Variants in SPIRE1 observed in about 807,000 individuals in gnomAD.
SPIRE1 encodes the protein spire type actin nucleation factor 1.
SPIRE1 carries 40 observed loss-of-function variants against 94.1 expected under a neutral mutation model. The observed-to-expected ratio is 0.43, with a 90% CI of 0.33 to 0.55. The LOEUF (loss-of-function observed/expected upper bound fraction) is 0.55, where lower values mean the gene tolerates loss of function less well. Among genes scored for constraint, SPIRE1 ranks in the 20% least tolerant of loss-of-function variants. The pLI is 0.06. For missense variants in SPIRE1, 838 were observed against 975.2 expected (o/e 0.86, Z 1.87); for synonymous variants, 376 against 371.7 (o/e 1.01, Z -0.13).
intron 10 of SPIRE1, among the ~76,000 whole-genome samples, chr18:12,465,955 G>C (rs185699648): frequency 1.3e-5 from 2 of 151,820 alleles, no homozygotes; most frequent in African/African-American, 4.8e-5. Context: ...GTGGTGGCAC[G>C]CGCCTGTAGT....
chr18:12,560,693 A>G (rs1166343568), intron 2 of SPIRE1, among the ~76,000 whole-genome samples: 1 of 152,164 alleles, frequency 6.6e-6, no homozygotes, highest in Non-Finnish European at 1.5e-5. Flanking sequence ...TCTACTAAAA[A>G]TACAAAAAAT....
In SPIRE1 at chr18:12,633,724, T is replaced by C. The variant is rs576608426; in HGVS notation, c.372+1338A>G. 3.2e-4 allele frequency among the ~76,000 whole-genome samples: 48 copies of C among 152,312 alleles called. No individual in the cohort carries two copies. In the South Asian group the frequency reaches 4.4e-3, roughly 14 times the overall value. ...AAACTTACTAAAACCTACAACAATA[T>C]GTAGATGCATTATAAAATTTGAAAT... On this transcript the variant is annotated intron_variant, in intron 2 of 16. Transcript: ENST00000409402.
chr18:12,520,279 G>A (rs11874852), intron 4 of SPIRE1, among the ~76,000 whole-genome samples: 38,227 of 152,104 alleles, frequency 0.25, 5,234 homozygotes, highest in Non-Finnish European at 0.32. Flanking sequence ...TATAGGGAGA[G>A]TGTGAGTAGT....
intron 2 of SPIRE1, among the ~76,000 whole-genome samples, chr18:12,586,975 A>ATGTGCCAGCACTTCACC (rs1424635822): frequency 6.6e-6 from 1 of 152,268 alleles, no homozygotes; most frequent in African/African-American, 2.4e-5. Flanking sequence ...TTTACTGAGC[A>ATGTGCCAGCACTTCACC]TGTGCCAGCA....
chr18:12,592,231 T>C (rs372832074), intron 2 of SPIRE1, among the ~76,000 whole-genome samples: 41 of 152,166 alleles, frequency 2.7e-4, no homozygotes, highest in Non-Finnish European at 5.3e-4. Context: ...TCACCAGGAT[T>C]TTCTTTTTTC....
chr18:12,473,365 G>A (rs2032438207), intron 10 of SPIRE1, among the ~76,000 whole-genome samples: 6 of 152,022 alleles, frequency 3.9e-5, no homozygotes, highest in Admixed American at 3.9e-4. Context: ...TTCACATAGT[G>A]TTGCTCTTAA....
chr18:12,587,138 C>T (rs975715448), intron 2 of SPIRE1, among the ~76,000 whole-genome samples: 1 of 152,204 alleles, frequency 6.6e-6, no homozygotes, highest in African/African-American at 2.4e-5. Flanking sequence ...CAAAGTCACA[C>T]AGCCAATGAA....
chr18:12,577,337 C>T (rs879690802), intron 2 of SPIRE1, among the ~76,000 whole-genome samples: 15 of 151,846 alleles, frequency 9.9e-5, no homozygotes, highest in East Asian at 1.9e-4. Context: ...TTAGTAGAGA[C>T]GGGGTTTCAC....
At chr18:12,516,375 T>C (rs2034195656) in intron 4 of SPIRE1, 4 of 152,174 alleles carry the variant, frequency 2.6e-5, no homozygotes, top group Admixed American at 2.6e-4. Context: ...TTTGCCCCAA[T>C]TAACAGAAAA....
chr18:12,613,129 T>G (rs2037189548), intron 2 of SPIRE1, among the ~76,000 whole-genome samples: 1 of 152,222 alleles, frequency 6.6e-6, no homozygotes, highest in Non-Finnish European at 1.5e-5. Context: ...GATGAGAGCC[T>G]GGACACAGCA....
intron 13 of SPIRE1, 66 bp from the exon 14 acceptor site, chr18:12,453,204 T>A: frequency 9.2e-7 from 1 of 1,087,644 alleles, no homozygotes; most frequent in Non-Finnish European, 1.4e-6. Flanking sequence ...TATCCATGTT[T>A]GAATATGCTT....
At chr18:12,496,780 A>T (rs1000973884) in intron 6 of SPIRE1, among the ~76,000 whole-genome samples, 7 of 152,166 alleles carry the variant, frequency 4.6e-5, no homozygotes, top group Admixed American at 1.3e-4. Flanking sequence ...GAGGCAGGAG[A>T]ATGGCATGAA....
intron 6 of SPIRE1, among the ~76,000 whole-genome samples, chr18:12,498,979 C>T (rs754758588): frequency 7.2e-5 from 11 of 152,110 alleles, no homozygotes; most frequent in Admixed American, 3.3e-4. Flanking sequence ...GCCCAGGCTA[C>T]TCTCAAACTC....
At chr18:12,476,286 C>T (rs2032572904) in intron 10 of SPIRE1, among the ~76,000 whole-genome samples, 1 of 150,892 alleles carries the variant, frequency 6.6e-6, no homozygotes. Flanking sequence ...CGCCTGTAAT[C>T]CCAGCTCTTT....
At chr18:12,499,522 A>G (rs2143924319) in intron 6 of SPIRE1, among the ~76,000 whole-genome samples, 1 of 151,206 alleles carries the variant, frequency 6.6e-6, no homozygotes, top group East Asian at 1.9e-4. Flanking sequence ...AAAAAAAAAA[A>G]GTCACTGGAA....
At chr18:12,649,468 T>C (rs1280882656) in intron 1 of SPIRE1, among the ~76,000 whole-genome samples, 1 of 152,210 alleles carries the variant, frequency 6.6e-6, no homozygotes, top group Non-Finnish European at 1.5e-5. Context: ...AATATTTCCT[T>C]CATAGTTTTA....
At chr18:12,606,055 G>A (rs1335427354) in intron 2 of SPIRE1, among the ~76,000 whole-genome samples, 2 of 152,062 alleles carry the variant, frequency 1.3e-5, no homozygotes, top group African/African-American at 4.8e-5. Context: ...TCTATTGAGA[G>A]GCCTTCAGTT....
intron 5 of SPIRE1, among the ~76,000 whole-genome samples, chr18:12,509,148 C>T (rs72877247): frequency 0.031 from 4,714 of 152,292 alleles, 135 homozygotes; most frequent in East Asian, 0.099. Flanking sequence ...AATTCTGAAA[C>T]TAGAATCTGC....
rs118171375 is a variant in SPIRE1 at position 12,461,000 on chromosome 18, A to G, written c.1638+2351T>C. Among the ~76,000 whole-genome samples the G allele has an allele frequency of 2.9e-3, 448 of 152,260 alleles. 1 individual carries two copies. The highest frequency in any genetic ancestry group is 4.9e-3 in the Non-Finnish European group (336 of 68,020). On this transcript the variant is annotated intron_variant, in intron 12 of 16. Transcript: ENST00000409402. ...ATCTGACCACTGTTCAGTGCTGAGCAGAGCGGCTCTCCCACTGCCTGCTCA... is the reference window on the plus strand; with the variant it reads ...ATCTGACCACTGTTCAGTGCTGAGCGGAGCGGCTCTCCCACTGCCTGCTCA...
Sources: gnomAD v4.1 joint callset for allele counts (sites outside exome capture counted in the v4.1 genomes callset) on GRCh38, gnomAD v4.1.1 for gene constraint, MANE v1.5 for transcripts, NCBI Gene and HGNC (gene_info 2026-07-23, HGNC 2026-07-21) for gene names.